The following GABRA2 variants were observed in gnomAD, a reference collection of about 807,000 sequenced individuals.
GABRA2 encodes gamma-aminobutyric acid receptor subunit alpha-2.
GABRA2 carries 16 observed loss-of-function variants against 48.7 expected under a neutral mutation model. That is an observed-to-expected ratio of 0.33 (90% CI 0.22 to 0.50). The LOEUF is 0.50. GABRA2 is among the 20% of genes least tolerant of loss of function. The pLI is 0.98. For missense variants in GABRA2, 275 were observed against 535.6 expected (o/e 0.51, Z 4.80); for synonymous variants, 185 against 184.5 (o/e 1.00, Z -0.02).
Position 46,245,524 on chromosome 4 carries a change from A to G in GABRA2, c.*4784T>C, listed in dbSNP as rs1048659670. Reference sequence around the variant, plus strand: ...TATGCATAACTCAAACCTAATTCTAATTAATAAGTTTGTTATGGATTTACT... The same window carrying G: ...TATGCATAACTCAAACCTAATTCTAGTTAATAAGTTTGTTATGGATTTACT... On this transcript the variant is annotated 3_prime_UTR_variant, in exon 10 of 10. Coordinates refer to ENST00000381620, the MANE Select transcript of GABRA2 (RefSeq NM_000807.4). 1.3e-5 allele frequency among the ~76,000 whole-genome samples: 2 copies of G among 151,356 alleles called. No individual in the cohort carries two copies. Among genetic ancestry groups the G allele is most frequent in the East Asian group, 1.9e-4 (1 of 5,138 alleles).
At chr4:46,268,454 A>G (rs1718678402) in intron 8 of GABRA2, among the ~76,000 whole-genome samples, 1 of 152,008 alleles carries the variant, frequency 6.6e-6, no homozygotes, top group African/African-American at 2.4e-5. Context: ...GGCCAACATC[A>G]CTAAACATTG....
intron 3 of GABRA2, among the ~76,000 whole-genome samples, chr4:46,383,126 C>T (rs925521449): frequency 6.6e-6 from 1 of 152,074 alleles, no homozygotes; most frequent in Non-Finnish European, 1.5e-5. Context: ...TCTTCAAAGT[C>T]TTTTAGTTAT....
chr4:46,291,448 T>C (rs1189001334), intron 8 of GABRA2, among the ~76,000 whole-genome samples: 3 of 152,148 alleles, frequency 2.0e-5, no homozygotes, highest in Non-Finnish European at 4.4e-5. Flanking sequence ...TGGGTGCGTC[T>C]GTGAGGGTGT....
intron 1 of GABRA2, 89 bp from the exon 2 acceptor site, chr4:46,388,805 G>A: frequency 1.3e-6 from 2 of 1,583,704 alleles, no homozygotes; most frequent in East Asian, 2.3e-5. Flanking sequence ...TATCCTTTTA[G>A]TTAGGGATTC....
intron 3 of GABRA2, among the ~76,000 whole-genome samples, chr4:46,373,600 C>G (rs891340222): frequency 1.3e-5 from 2 of 152,062 alleles, no homozygotes; most frequent in African/African-American, 4.8e-5. Flanking sequence ...GATCCTGCAA[C>G]TCTATAATTG....
At chr4:46,306,292 T>C (rs553059736) in intron 6 of GABRA2, among the ~76,000 whole-genome samples, 58 of 152,296 alleles carry the variant, frequency 3.8e-4, no homozygotes, top group African/African-American at 1.3e-3. Flanking sequence ...TTTAAATGAA[T>C]CAATGCACAC....
At chr4:46,259,930 A>C (rs1387447625) in intron 9 of GABRA2, among the ~76,000 whole-genome samples, 1 of 151,886 alleles carries the variant, frequency 6.6e-6, no homozygotes, top group Non-Finnish European at 1.5e-5. Flanking sequence ...AGTTTTAAGG[A>C]CATTTTAATT....
chr4:46,389,804 A>AGG lies in GABRA2; in HGVS notation c.-81_-80insCC, dbSNP rs1560621349. ...ATCTTGACGAGATAGGAAACTTGGG[A>AGG]GAGAGAGAGAGAGAGAGAGAGAGAG... is the stretch of plus-strand genomic sequence containing the variant. On this transcript the variant is annotated 5_prime_UTR_variant, in exon 1 of 10. Coordinates refer to ENST00000381620, the MANE Select transcript of GABRA2 (RefSeq NM_000807.4). The AGG allele has an allele frequency of 3.6e-6, 1 of 274,286 alleles. No homozygotes were observed. The highest frequency in any genetic ancestry group is 6.8e-4 in the East Asian group (1 of 1,460). 17.0% of individuals were successfully genotyped at this position (274,286 alleles called of 1,614,324 possible). A position where few individuals can be genotyped will look rare whatever the true frequency, so the allele number is the denominator to read the frequency against.
At chr4:46,304,854 A>C (rs1726378186) in intron 7 of GABRA2, among the ~76,000 whole-genome samples, 1 of 142,492 alleles carries the variant, frequency 7.0e-6, no homozygotes, top group African/African-American at 2.6e-5. Context: ...GAACCCAGGA[A>C]GTGGAGGTTG....
chr4:46,300,314 C>T lies in GABRA2; in HGVS notation c.856+3146G>A, dbSNP rs533869682. On this transcript the variant is annotated intron_variant, in intron 8 of 9. Transcript: ENST00000381620. ...CAGTATGGATCTGTGTGTGTGTGCG[C>T]GCGCGTTTTGAGATGTTGAAATTAA... Among the ~76,000 whole-genome samples, 375 of 151,850 alleles carry T rather than the reference C, an allele frequency of 2.5e-3. 1 individual carries two copies. Among genetic ancestry groups the T allele is most frequent in the Non-Finnish European group, 3.9e-3 (266 of 67,822 alleles).
At chr4:46,316,989 C>A (rs6841617) in intron 4 of GABRA2, among the ~76,000 whole-genome samples, 15,040 of 151,934 alleles carry the variant, frequency 0.099, 2,498 homozygotes, top group African/African-American at 0.34. Context: ...TTGATGGATA[C>A]TTGGTGTAGT....
intron 3 of GABRA2, among the ~76,000 whole-genome samples, chr4:46,342,484 C>T (rs1202133980): frequency 1.3e-5 from 2 of 152,066 alleles, no homozygotes; most frequent in African/African-American, 4.8e-5. Flanking sequence ...CACAACACTT[C>T]ATAACCATAG....
intron 3 of GABRA2, among the ~76,000 whole-genome samples, chr4:46,370,859 AC>A (rs1714778101): frequency 6.6e-6 from 1 of 151,804 alleles, no homozygotes; most frequent in African/African-American, 2.4e-5. Context: ...TGTTCCAAGA[AC>A]CCTATTTTCT....
intron 3 of GABRA2, among the ~76,000 whole-genome samples, chr4:46,377,293 C>T (rs1441627322): frequency 2.0e-5 from 3 of 149,074 alleles, no homozygotes; most frequent in Non-Finnish European, 4.5e-5. Flanking sequence ...AAGTGAGGAG[C>T]GCCTCTTCCC....
At chr4:46,325,482 G>A (rs1321097372) in intron 4 of GABRA2, among the ~76,000 whole-genome samples, 3 of 151,914 alleles carry the variant, frequency 2.0e-5, no homozygotes, top group African/African-American at 7.2e-5. Context: ...TTAGACCTTT[G>A]TTGGATGCAT....
At chr4:46,321,500 TAAAAC>T (rs969588377) in intron 4 of GABRA2, among the ~76,000 whole-genome samples, 2 of 151,990 alleles carry the variant, frequency 1.3e-5, no homozygotes, top group African/African-American at 4.8e-5. Flanking sequence ...TTTTCACAAT[TAAAAC>T]TAACTCAAAC....
At chr4:46,262,862 A>C (rs183842703) in intron 8 of GABRA2, among the ~76,000 whole-genome samples, 1 of 151,748 alleles carries the variant, frequency 6.6e-6, no homozygotes, top group Non-Finnish European at 1.5e-5. Context: ...ACGATGCTAC[A>C]CTCCAGCCTG....
chr4:46,283,064 T>C (rs1001677084), intron 8 of GABRA2, among the ~76,000 whole-genome samples: 3 of 152,198 alleles, frequency 2.0e-5, no homozygotes, highest in African/African-American at 7.2e-5. Context: ...ATGGCCTTTA[T>C]AACAACTTAT....
chr4:46,303,236 A>C, intron 8 of GABRA2: 1 of 505,902 alleles, frequency 2.0e-6, no homozygotes, highest in Admixed American at 3.7e-5. Flanking sequence ...AAGAAGACTA[A>C]GTGTGTTTTA....
Sources: allele counts gnomAD v4.1 joint callset (sites outside exome capture counted in the v4.1 genomes callset), GRCh38; gene constraint gnomAD v4.1.1; transcripts MANE v1.5; gene names NCBI Gene and HGNC (gene_info 2026-07-23, HGNC 2026-07-21).